AXDND1: variants seen among roughly 807,000 people sequenced by gnomAD.
AXDND1 encodes the protein axonemal dynein light chain domain-containing protein 1.
AXDND1 carries 110 observed loss-of-function variants against 137.5 expected under a neutral mutation model. That is an observed-to-expected ratio of 0.80 (90% CI 0.69 to 0.94). The LOEUF is 0.94. Ranked by LOEUF, AXDND1 falls within the 40% of genes least tolerant of loss-of-function variation. The probability of loss-of-function intolerance (pLI) is 0.00; values close to 1 mark genes in which losing one functional copy is unlikely to be tolerated. For missense variants in AXDND1, 1,191 were observed against 1,169.8 expected (o/e 1.02, Z -0.26); for synonymous variants, 414 against 399.7 (o/e 1.04, Z -0.43).
chr1:179,534,568 T>G, intron 24 of AXDND1, 162 bp from the exon 25 acceptor site: 3 of 790,228 alleles, frequency 3.8e-6, no homozygotes, highest in East Asian at 3.1e-5. Context: ...GAGTCGCTCC[T>G]GGGCCCCCAG....
intron 11 of AXDND1, among the ~76,000 whole-genome samples, chr1:179,400,612 A>AAAAG (rs751080999): frequency 1.1e-4 from 16 of 151,190 alleles, no homozygotes; most frequent in Non-Finnish European, 1.8e-4. Context: ...AAAAAAAAAA[A>AAAAG]AGAGAAGATG....
intron 15 of AXDND1, among the ~76,000 whole-genome samples, chr1:179,444,347 T>TC (rs1195723426): frequency 1.3e-5 from 2 of 152,080 alleles, no homozygotes; most frequent in Non-Finnish European, 2.9e-5. Context: ...AGAATTTGAG[T>TC]CCAGATCTCT....
chr1:179,411,671 C>T (rs79403577), intron 12 of AXDND1, among the ~76,000 whole-genome samples: 1 of 148,482 alleles, frequency 6.7e-6, no homozygotes, highest in East Asian at 2.0e-4. Context: ...AATTAAGGGT[C>T]TTTTTTTTTT....
intron 19 of AXDND1, 71 bp from the exon 20 acceptor site, chr1:179,492,784 C>G: frequency 1.0e-6 from 1 of 990,956 alleles, no homozygotes; most frequent in South Asian, 1.7e-5. Context: ...AGAAGAAGAA[C>G]CAGCAATAAA....
chr1:179,458,763 A>G (rs951605647), intron 16 of AXDND1, among the ~76,000 whole-genome samples: 1 of 152,088 alleles, frequency 6.6e-6, no homozygotes, highest in Non-Finnish European at 1.5e-5. Context: ...ATAATACTAA[A>G]ACAAATAAAA....
intron 6 of AXDND1, 114 bp from the exon 7 acceptor site, chr1:179,382,586 C>T (rs1014319227): frequency 2.5e-5 from 17 of 684,998 alleles, no homozygotes; most frequent in Non-Finnish European, 4.3e-5. Context: ...GTACTCATTC[C>T]TTTTAGTGGA....
intron 16 of AXDND1, chr1:179,457,079 G>A (rs1661511164): frequency 4.4e-6 from 6 of 1,365,998 alleles, no homozygotes; most frequent in South Asian, 3.5e-5. Flanking sequence ...AGCTCTCTTT[G>A]GTTCCACAAC....
At chr1:179,370,215 A>T in intron 4 of AXDND1, 137 bp downstream of exon 4, 1 of 706,694 alleles carries the variant, frequency 1.4e-6, no homozygotes, top group East Asian at 2.7e-5. Flanking sequence ...TTGAATCAGA[A>T]TACAATCCAG....
In AXDND1 at chr1:179,423,198, CT is replaced by C. The variant is rs35627674; in HGVS notation, c.1231-6310del. Among the ~76,000 whole-genome samples, 588 of 149,460 alleles carry C rather than the reference CT, an allele frequency of 3.9e-3. 4 individuals carry two copies. Among genetic ancestry groups the C allele is most frequent in the African/African-American group, 0.013 (547 of 40,844 alleles). ...GAATCCTTTATAATTATATAGTAAC[CT>C]TTTTTTTTTACAGTCTTTGATTTGT... On this transcript the variant is annotated intron_variant, in intron 12 of 25. Transcript: ENST00000367618.
chr1:179,447,832 C>G lies in AXDND1; in HGVS notation c.1798+2628C>G, dbSNP rs900561193. On this transcript the variant is annotated intron_variant, in intron 16 of 25. Coordinates refer to ENST00000367618, the MANE Select transcript of AXDND1 (RefSeq NM_144696.6). The stretch of plus-strand genomic sequence containing the variant: ...ATTTGGCACTGTGAAGTCTGTAGTG[C>G]CCAACATCCCACCTGCATTGCCAGT... 13 of 1,296,038 alleles carry G rather than the reference C, an allele frequency of 1.0e-5. No homozygotes were observed. In the Admixed American group the frequency reaches 2.2e-4, roughly 22 times the overall value. The allele number at this position is 1,296,038 out of a possible 1,614,324, so 80.3% of individuals were successfully genotyped here.
chr1:179,401,250 C>T (rs1651989659), intron 11 of AXDND1, among the ~76,000 whole-genome samples: 1 of 113,570 alleles, frequency 8.8e-6, no homozygotes, highest in African/African-American at 3.3e-5. Context: ...AAGAACAAAA[C>T]TCCATCTCAA....
At chr1:179,414,389 T>C (rs1422176355) in intron 12 of AXDND1, among the ~76,000 whole-genome samples, 1 of 150,906 alleles carries the variant, frequency 6.6e-6, no homozygotes. Flanking sequence ...ATTGTATAGA[T>C]GTCAGTTCTC....
At chr1:179,380,879 T>C (rs1558094494) in intron 6 of AXDND1, among the ~76,000 whole-genome samples, 1 of 152,128 alleles carries the variant, frequency 6.6e-6, no homozygotes, top group Non-Finnish European at 1.5e-5. Context: ...ACTGGTTGTT[T>C]ACACTTTGTC....
At chr1:179,401,480 A>G (rs557593209) in intron 11 of AXDND1, among the ~76,000 whole-genome samples, 4 of 152,286 alleles carry the variant, frequency 2.6e-5, no homozygotes, top group African/African-American at 9.6e-5. Context: ...AGAGTGATTG[A>G]ATTTTTTAAA....
At chr1:179,454,192 A>G (rs907977659) in intron 16 of AXDND1, 4 of 152,208 alleles carry the variant, frequency 2.6e-5, no homozygotes, top group Non-Finnish European at 4.4e-5. Context: ...GGAGGGACCC[A>G]GTGGGAGGTA....
At chr1:179,380,484 A>G (rs1042964937) in intron 6 of AXDND1, among the ~76,000 whole-genome samples, 1 of 152,170 alleles carries the variant, frequency 6.6e-6, no homozygotes, top group Admixed American at 6.6e-5. Flanking sequence ...CCAGCATCTC[A>G]TAATCCATGC....
At chr1:179,455,668 T>A (rs1661289726) in intron 16 of AXDND1, 1 of 151,472 alleles carries the variant, frequency 6.6e-6, no homozygotes, top group African/African-American at 2.4e-5. Context: ...AAGCCATGAA[T>A]TTTGATGAGA....
chr1:179,457,339 C>T (rs748071405), intron 16 of AXDND1: 52 of 549,524 alleles, frequency 9.5e-5, no homozygotes, highest in Non-Finnish European at 1.6e-4. Context: ...GACAAGACGG[C>T]CGGGAGAAGA....
rs1000652324 is a variant in AXDND1 at position 179,472,489 on chromosome 1, G to C, written c.1997+3848G>C. On this transcript the variant is annotated intron_variant, in intron 17 of 25. Coordinates refer to ENST00000367618, the MANE Select transcript of AXDND1 (RefSeq NM_144696.6). ...ATATTTCATTTTTATTGGAGAAAGT[G>C]TTCTAGAGATGTCTGGTCTAGTTGG... is the stretch of plus-strand genomic sequence containing the variant. 5.3e-5 allele frequency among the ~76,000 whole-genome samples: 8 copies of C among 152,186 alleles called. No homozygotes were observed. In the South Asian group the frequency reaches 1.7e-3, roughly 31 times the overall value.
Sources: gnomAD v4.1 joint callset for allele counts (sites outside exome capture counted in the v4.1 genomes callset) on GRCh38, gnomAD v4.1.1 for gene constraint, MANE v1.5 for transcripts, NCBI Gene and HGNC (gene_info 2026-07-23, HGNC 2026-07-21) for gene names.